The following PDCL2 variants were observed in gnomAD, a reference collection of about 807,000 sequenced individuals.
The protein encoded by PDCL2 is phosducin like 2.
Under a neutral mutation model 30.3 loss-of-function variants are expected in PDCL2, and 23 were observed. That is an observed-to-expected ratio of 0.76 (90% confidence interval 0.55 to 1.08). The LOEUF (loss-of-function observed/expected upper bound fraction) is 1.08. Ranked by LOEUF, PDCL2 falls within the 50% of genes least tolerant of loss-of-function variation. The probability of loss-of-function intolerance (pLI) is 0.00; values close to 1 mark genes in which losing one functional copy is unlikely to be tolerated. For synonymous variants in PDCL2, 68 were observed against 86.2 expected (o/e 0.79, Z 1.17); for missense variants, 243 against 282.3 (o/e 0.86, Z 1.00).
In PDCL2 at chr4:55,562,484, A is replaced by G. The variant is rs769301955; in HGVS notation, c.491T>C (p.Ile164Thr). Residue 164 changes from isoleucine to threonine, a missense_variant, in exon 5 of 6, where the codon ATT becomes ACT. Ile to Thr is a moderately conservative substitution (Grantham distance 89). Transcript: ENST00000295645. ...QHYHDNCLPTIFVYKNGQIEA... is the reference protein window; with the variant it reads ...QHYHDNCLPTTFVYKNGQIEA... The stretch of plus-strand genomic sequence containing the variant: ...TATCTGACCATTTTTATACACAAAA[A>G]TTGTTGGTAAACAATTGTCATGGTA... 2.5e-5 allele frequency: 39 copies of G among 1,561,412 alleles called. No individual in the cohort carries two copies. In the South Asian group the frequency reaches 4.8e-4, roughly 19 times the overall value.
intron 1 of PDCL2, among the ~76,000 whole-genome samples, chr4:55,591,531 C>T (rs745517304): frequency 3.3e-5 from 5 of 152,124 alleles, no homozygotes; most frequent in African/African-American, 7.2e-5. Context: ...GGGCTACAGG[C>T]GCACGCCACC....
Position 55,562,510 on chromosome 4 carries a change from G to T in PDCL2, c.465C>A (p.His155Gln). The T allele has an allele frequency of 6.3e-7, 1 of 1,591,110 alleles. No homozygotes were observed. Among genetic ancestry groups the T allele is most frequent in the Admixed American group, 1.8e-5 (1 of 56,558 alleles). Residue 155 changes from histidine (H) to glutamine (Q), a missense_variant, in exon 5 of 6, where the codon CAC (histidine) becomes CAA (glutamine). Coordinates refer to ENST00000295645, the MANE Select transcript of PDCL2 (RefSeq NM_152401.3). ...VKAIVNSCIQ[H>Q]YHDNCLPTIF... Reference sequence around the variant, plus strand: ...TTGTTGGTAAACAATTGTCATGGTAGTGTTGAATACAGCTATTCACGATGG... The same window carrying T: ...TTGTTGGTAAACAATTGTCATGGTATTGTTGAATACAGCTATTCACGATGG...
chr4:55,567,984 A>G (rs1287418430), intron 4 of PDCL2, among the ~76,000 whole-genome samples: 2 of 152,176 alleles, frequency 1.3e-5, no homozygotes, highest in Admixed American at 6.5e-5. Flanking sequence ...TTATAATAAA[A>G]TAACTTTTAT....
intron 1 of PDCL2, among the ~76,000 whole-genome samples, chr4:55,587,867 C>T (rs894114566): frequency 1.3e-5 from 2 of 151,886 alleles, no homozygotes; most frequent in African/African-American, 2.4e-5. Context: ...CTTGTCTTTT[C>T]ATTCTCTTGA....
intron 2 of PDCL2, among the ~76,000 whole-genome samples, chr4:55,581,120 C>T (rs989617259): frequency 1.3e-5 from 2 of 151,964 alleles, no homozygotes; most frequent in Admixed American, 6.6e-5. Context: ...CATGGTGAAA[C>T]CCTATCTCTA....
intron 1 of PDCL2, 134 bp downstream of exon 1, chr4:55,591,970 A>T (rs1445340296): frequency 4.7e-6 from 6 of 1,277,184 alleles, no homozygotes; most frequent in Non-Finnish European, 5.4e-6. Flanking sequence ...AGCACGCAAA[A>T]TTTAGCACTT....
intron 4 of PDCL2, 115 bp from the exon 5 acceptor site, chr4:55,562,727 CATT>C (rs1325303077): frequency 2.3e-5 from 15 of 638,666 alleles, no homozygotes; most frequent in African/African-American, 2.3e-4. Flanking sequence ...TATAAAAGCA[CATT>C]ATTATCATCC....
chr4:55,562,369 C>A, intron 5 of PDCL2, 35 bp downstream of exon 5: 1 of 1,318,092 alleles, frequency 7.6e-7, no homozygotes, highest in Non-Finnish European at 1.0e-6. Flanking sequence ...GATGTTTTCA[C>A]CTATCATTTT....
At chr4:55,567,272 C>T (rs1471854433) in intron 4 of PDCL2, among the ~76,000 whole-genome samples, 1 of 152,186 alleles carries the variant, frequency 6.6e-6, no homozygotes, top group Admixed American at 6.5e-5. Context: ...GTGGTTCACG[C>T]CTGTAATCTC....
intron 3 of PDCL2, among the ~76,000 whole-genome samples, chr4:55,576,115 A>G (rs1320727110): frequency 6.6e-6 from 1 of 151,860 alleles, no homozygotes; most frequent in Non-Finnish European, 1.5e-5. Context: ...TCTTTTTGAG[A>G]CAGTCTTGCT....
chr4:55,580,761 GT>G, intron 3 of PDCL2, 59 bp downstream of exon 3: 2 of 1,223,806 alleles, frequency 1.6e-6, no homozygotes, highest in Admixed American at 2.8e-5. Flanking sequence ...AATCTCTTTA[GT>G]TTTATTCTTA....
intron 4 of PDCL2, among the ~76,000 whole-genome samples, chr4:55,563,232 C>T (rs112903248): frequency 0.01 from 1,530 of 152,328 alleles, 10 homozygotes; most frequent in Middle Eastern, 0.02. Flanking sequence ...CCCTTTTCTC[C>T]CAGTTTATCC....
At chr4:55,566,530 C>T (rs1672784611) in intron 4 of PDCL2, among the ~76,000 whole-genome samples, 1 of 148,546 alleles carries the variant, frequency 6.7e-6, no homozygotes, top group Non-Finnish European at 1.5e-5. Context: ...TCAAGCCATT[C>T]CCCTGCTTTA....
At chr4:55,565,558 C>G (rs1252400898) in intron 4 of PDCL2, among the ~76,000 whole-genome samples, 1 of 152,174 alleles carries the variant, frequency 6.6e-6, no homozygotes, top group Non-Finnish European at 1.5e-5. Flanking sequence ...ATGAGGGTAA[C>G]TGCCCCCATG....
rs546005577 is a variant in PDCL2, at chr4:55,560,597, C to G, written c.571+1807G>C. On this transcript the variant is annotated intron_variant, in intron 5 of 5. Coordinates refer to ENST00000295645, the MANE Select transcript of PDCL2 (RefSeq NM_152401.3). ...TGCCACTGCACTCCAGCCTGGGTGA[C>G]AGAGTGAGATGCTATCTCAAAAAAA... Among the ~76,000 whole-genome samples the G allele has an allele frequency of 1.0e-3, 154 of 152,218 alleles. 1 individual carries two copies. In the South Asian group the frequency reaches 0.015, roughly 15 times the overall value.
intron 5 of PDCL2, among the ~76,000 whole-genome samples, chr4:55,558,220 T>C (rs1316913236): frequency 1.3e-5 from 2 of 152,066 alleles, no homozygotes; most frequent in African/African-American, 2.4e-5. Flanking sequence ...ATTCCTGATA[T>C]GGTTTGGCTA....
intron 5 of PDCL2, among the ~76,000 whole-genome samples, chr4:55,557,223 A>G (rs921947870): frequency 5.9e-5 from 9 of 152,242 alleles, no homozygotes; most frequent in Non-Finnish European, 1.2e-4. Flanking sequence ...ACTGAAAGGG[A>G]GAAATTATGG....
chr4:55,580,161 T>A (rs1032344256), intron 3 of PDCL2, among the ~76,000 whole-genome samples: 7 of 152,184 alleles, frequency 4.6e-5, no homozygotes. Flanking sequence ...GTTTTTTTAT[T>A]GTTAAAATGA....
In PDCL2 at chr4:55,592,117, T is replaced by C; in HGVS notation, c.-8A>G. 2 of 1,609,756 alleles carry C rather than the reference T, an allele frequency of 1.2e-6. No homozygotes were observed. The highest frequency in any genetic ancestry group is 1.7e-6 in the Non-Finnish European group (2 of 1,178,614). On this transcript the variant is annotated 5_prime_UTR_variant, in exon 1 of 6. Transcript: ENST00000295645. ...CCCGACCCTCACCTGCATGATGCGC[T>C]GCTCTGCCCCTCAAGAGCCCGCGTC...
Sources: gnomAD v4.1 joint callset for allele counts (sites outside exome capture counted in the v4.1 genomes callset) on GRCh38, gnomAD v4.1.1 for gene constraint, MANE v1.5 for transcripts, NCBI Gene and HGNC (gene_info 2026-07-23, HGNC 2026-07-21) for gene names.